Variants in MCF2L2 observed in about 807,000 individuals in gnomAD.
MCF2L2 encodes probable guanine nucleotide exchange factor MCF2L2.
Under a neutral mutation model 150.2 loss-of-function variants are expected in MCF2L2, and 102 were observed. The ratio of observed to expected loss-of-function variants is 0.68; its 90% confidence interval spans 0.58 to 0.80. The LOEUF (loss-of-function observed/expected upper bound fraction) is 0.80. MCF2L2 is among the 30% of genes least tolerant of loss of function. MCF2L2 has a pLI of 0.00. For synonymous variants in MCF2L2, 465 were observed against 491.3 expected, an observed-to-expected ratio of 0.95 and a Z score of 0.71; for missense variants, 1,256 against 1,372.8, an observed-to-expected ratio of 0.91 and a Z score of 1.34.
chr3:183,322,987 G>A (rs1413003772), intron 6 of MCF2L2, among the ~76,000 whole-genome samples: 1 of 152,212 alleles, frequency 6.6e-6, no homozygotes, highest in African/African-American at 2.4e-5. Flanking sequence ...CTTCCCAGGT[G>A]CATTCGAAGG....
At chr3:183,282,553 T>C (rs1227851603) in intron 14 of MCF2L2, among the ~76,000 whole-genome samples, 1 of 152,178 alleles carries the variant, frequency 6.6e-6, no homozygotes, top group African/African-American at 2.4e-5. Context: ...GTGAGAAACA[T>C]GTTATGTGAT....
intron 8 of MCF2L2, 128 bp downstream of exon 8, chr3:183,311,520 C>A: frequency 9.5e-7 from 1 of 1,052,010 alleles, no homozygotes. Flanking sequence ...TTTGTTGTCT[C>A]AAATATTCTT....
intron 8 of MCF2L2, 55 bp downstream of exon 8, chr3:183,311,593 C>T (rs1352058833): frequency 6.2e-7 from 1 of 1,601,914 alleles, no homozygotes; most frequent in Non-Finnish European, 8.5e-7. Context: ...TGCTCCAGAA[C>T]ATCTAGGTCT....
At chr3:183,374,650 A>G (rs983501939) in intron 3 of MCF2L2, 6 of 150,336 alleles carry the variant, frequency 4.0e-5, no homozygotes, top group African/African-American at 1.5e-4. Context: ...TCTGGGCGAC[A>G]AGCACGAAAC....
At chr3:183,363,972 T>C (rs11923471) in intron 3 of MCF2L2, among the ~76,000 whole-genome samples, 41,587 of 152,000 alleles carry the variant, frequency 0.27, 8,028 homozygotes, top group African/African-American at 0.54. Context: ...TGCTTGAAAA[T>C]TTTAAAAATT....
intron 22 of MCF2L2, among the ~76,000 whole-genome samples, chr3:183,213,847 A>C (rs1722821178): frequency 1.3e-5 from 2 of 152,236 alleles, no homozygotes; most frequent in Admixed American, 1.3e-4. Flanking sequence ...AGGATTATAC[A>C]AAACTGTCAG....
At chr3:183,404,733 G>A (rs1401382617) in intron 1 of MCF2L2, among the ~76,000 whole-genome samples, 1 of 152,034 alleles carries the variant, frequency 6.6e-6, no homozygotes, top group Non-Finnish European at 1.5e-5. Flanking sequence ...CATGGTGGTG[G>A]GCGCCTGTAA....
rs774515224 is a variant in MCF2L2, at chr3:183,206,221, T to G, written c.2713-7A>C. On this transcript the variant is annotated splice_polypyrimidine_tract_variant and splice_region_variant and intron_variant, in intron 23 of 29. Transcript: ENST00000328913. The stretch of plus-strand genomic sequence containing the variant: ...GAATTGAAAGTGTCATCAGCTATTA[T>G]AAAGAGGGAAGAGAAATGTTCTATA... 5 of 1,604,996 alleles carry G rather than the reference T, an allele frequency of 3.1e-6. No individual in the cohort carries two copies. The highest frequency in any genetic ancestry group is 3.4e-6 in the Non-Finnish European group (4 of 1,171,644).
chr3:183,371,711 C>T (rs1211663197), intron 3 of MCF2L2, among the ~76,000 whole-genome samples: 1 of 151,334 alleles, frequency 6.6e-6, no homozygotes, highest in East Asian at 1.9e-4. Context: ...CTCCTGACCT[C>T]AAGTGATTCA....
intron 10 of MCF2L2, among the ~76,000 whole-genome samples, chr3:183,301,167 CTGTT>C (rs1480156779): frequency 6.6e-6 from 1 of 152,104 alleles, no homozygotes; most frequent in Non-Finnish European, 1.5e-5. Context: ...CCAAGTTTTC[CTGTT>C]TGTTTAAGCA....
At chr3:183,272,754 AT>A in intron 15 of MCF2L2, 1 of 1,072,238 alleles carries the variant, frequency 9.3e-7, no homozygotes, top group African/African-American at 1.7e-5. Flanking sequence ...TAGTTGATTG[AT>A]TAATGATGTA....
At chr3:183,211,443 A>G (rs928018081) in intron 22 of MCF2L2, among the ~76,000 whole-genome samples, 13 of 152,298 alleles carry the variant, frequency 8.5e-5, no homozygotes, top group Admixed American at 6.5e-4. Flanking sequence ...TGTTCTCAGG[A>G]CCACACATAT....
intron 13 of MCF2L2, 57 bp downstream of exon 13, chr3:183,295,243 C>T (rs1342965976): frequency 1.3e-6 from 2 of 1,520,544 alleles, no homozygotes; most frequent in Admixed American, 2.1e-5. Context: ...AGTCACAGTC[C>T]TCATGGTGCT....
At position 183,229,798 on chromosome 3, in the gene MCF2L2, A is replaced by C. The variant is rs1347457414; in HGVS notation, c.1930-17T>G. 8.7e-7 allele frequency: 1 copy of C among 1,154,658 alleles called. No homozygotes were observed. The highest frequency in any genetic ancestry group is 1.3e-6 in the Non-Finnish European group (1 of 782,530). The allele number at this position is 1,154,658 out of a possible 1,614,324, so 71.5% of individuals were successfully genotyped here. A position where few individuals can be genotyped will look rare whatever the true frequency, so the allele number is the denominator to read the frequency against. Reference sequence around the variant, plus strand: ...GATATATCCCTGCAGAGGTGCAAACAAGGTAGGTGTTACAAACAGGAACAT... The same window carrying C: ...GATATATCCCTGCAGAGGTGCAAACCAGGTAGGTGTTACAAACAGGAACAT... On this transcript the variant is annotated splice_polypyrimidine_tract_variant and intron_variant, in intron 16 of 29. Coordinates refer to ENST00000328913, the MANE Select transcript of MCF2L2 (RefSeq NM_015078.4).
intron 15 of MCF2L2, among the ~76,000 whole-genome samples, chr3:183,261,995 CATAT>C (rs61309164): frequency 7.8e-6 from 1 of 128,626 alleles, no homozygotes; most frequent in African/African-American, 3.0e-5. Flanking sequence ...ATTGGGCATT[CATAT>C]ATATATATAT....
At chr3:183,318,838 C>CT (rs919243901) in intron 6 of MCF2L2, among the ~76,000 whole-genome samples, 2 of 152,190 alleles carry the variant, frequency 1.3e-5, no homozygotes, top group African/African-American at 4.8e-5. Context: ...TTTCAAAATA[C>CT]TTTATTGTTA....
At chr3:183,306,986 T>C (rs1729129979) in intron 10 of MCF2L2, among the ~76,000 whole-genome samples, 1 of 152,288 alleles carries the variant, frequency 6.6e-6, no homozygotes, top group East Asian at 1.9e-4. Context: ...CTGTAAGTGG[T>C]TGAAACTACT....
At chr3:183,238,926 G>A (rs898425096) in intron 15 of MCF2L2, among the ~76,000 whole-genome samples, 1 of 148,348 alleles carries the variant, frequency 6.7e-6, no homozygotes, top group Admixed American at 6.7e-5. Context: ...GGACCCCGGA[G>A]GTGGAGCTTG....
chr3:183,254,404 G>A (rs953507420), intron 15 of MCF2L2, among the ~76,000 whole-genome samples: 2 of 151,882 alleles, frequency 1.3e-5, no homozygotes, highest in African/African-American at 4.8e-5. Context: ...GGCGGAGAAG[G>A]AGGCTCGTCC....
Sources: gnomAD v4.1 joint callset for allele counts (sites outside exome capture counted in the v4.1 genomes callset) on GRCh38, gnomAD v4.1.1 for gene constraint, MANE v1.5 for transcripts, NCBI Gene and HGNC (gene_info 2026-07-23, HGNC 2026-07-21) for gene names.